Variants in IQSEC2 observed in about 807,000 individuals in gnomAD.
IQSEC2 encodes the protein IQ motif and Sec7 domain ArfGEF 2.
In IQSEC2, 6 loss-of-function variants were observed where a neutral mutation model predicts 74.6. That is an observed-to-expected ratio of 0.08 (90% confidence interval 0.04 to 0.16). The LOEUF is 0.16. IQSEC2 is among the 10% of genes least tolerant of loss of function. IQSEC2 has a pLI of 1.00. For synonymous variants in IQSEC2, 494 were observed against 544.5 expected (o/e 0.91, Z 1.29); for missense variants, 734 against 1,306.2 (o/e 0.56, Z 6.75).
chrX:53,243,410 C>T lies in IQSEC2; in HGVS notation c.2811G>A (p.Gln937=), dbSNP rs781835138. 2.6e-5 allele frequency: 30 copies of T among 1,168,238 alleles called. No individual in the cohort carries two copies. The highest frequency in any genetic ancestry group is 3.8e-5 in the South Asian group (2 of 52,384). ...DLLVGIYQRI[Q]GRELRTNDDH... is the part of the protein sequence containing the mutation. ...CATCGTTGGTCCGCAGTTCACGCCCCTGGATGCGCTGGTAGATGCCCACCA... is the reference window on the plus strand; with the variant it reads ...CATCGTTGGTCCGCAGTTCACGCCCTTGGATGCGCTGGTAGATGCCCACCA... The change falls in exon 9 of 15, where the codon CAG becomes CAA. Residue 937 remains glutamine (Q), a synonymous_variant. Coordinates refer to ENST00000642864, the MANE Select transcript of IQSEC2 (RefSeq NM_001111125.3).
Position 53,234,727 on chromosome X carries a change from C to T in IQSEC2, c.3959G>A (p.Arg1320His), listed in dbSNP as rs2074098874. ...PASAPPVGPH[R>H]HFHAHGPVPG... ...GACTGGGCCATGGGCGTGGAAGTGG[C>T]GATGTGGCCCCACAGGTGGGGCTGA... is the stretch of plus-strand genomic sequence containing the variant. The change falls in exon 15 of 15, where the codon CGC (arginine) becomes CAC (histidine). Residue 1320 changes from arginine (R) to histidine (H), a missense_variant. By Grantham distance (29) the Arg-to-His change is conservative (BLOSUM62 0). Coordinates refer to ENST00000642864, the MANE Select transcript of IQSEC2 (RefSeq NM_001111125.3). 5.3e-6 allele frequency: 6 copies of T among 1,122,911 alleles called. No homozygotes were observed. Among genetic ancestry groups the T allele is most frequent in the Non-Finnish European group, 7.0e-6 (6 of 851,688 alleles). The allele number at this position is 1,122,911 out of a possible 1,213,427, so 92.5% of individuals were successfully genotyped here.
rs1298002506 is a variant in IQSEC2 at position 53,321,226 on chromosome X, C to A, written c.-103G>T. On this transcript the variant is annotated 5_prime_UTR_variant, in exon 1 of 15. Coordinates refer to ENST00000642864, the MANE Select transcript of IQSEC2 (RefSeq NM_001111125.3). ...CAGCCGGGGGAGGGGGCCGGCGGGA[C>A]GCGAGGGCGCGCACCGGGCTTGAGG... The A allele has an allele frequency of 2.6e-5, 12 of 455,994 alleles. No individual in the cohort carries two copies. Among genetic ancestry groups the A allele is most frequent in the Non-Finnish European group, 4.2e-5 (12 of 288,038 alleles). The allele number at this position is 455,994 out of a possible 1,213,427, so 37.6% of individuals were successfully genotyped here.
chrX:53,262,481 C>T (rs1359546648), intron 2 of IQSEC2, among the ~76,000 whole-genome samples: 5 of 111,751 alleles, frequency 4.5e-5, no homozygotes, highest in African/African-American at 9.8e-5. Flanking sequence ...GTGGGGGGAA[C>T]GGGACGGACT....
chrX:53,315,244 A>C (rs2075359663), intron 1 of IQSEC2, among the ~76,000 whole-genome samples: 1 of 111,692 alleles, frequency 9.0e-6, no homozygotes, highest in South Asian at 3.7e-4. Context: ...TACAAAAATT[A>C]GTCGGGGGTG....
At chrX:53,279,253 C>T in intron 2 of IQSEC2, 1 of 260,708 alleles carries the variant, frequency 3.8e-6, no homozygotes, top group Non-Finnish European at 6.9e-6. Flanking sequence ...TGCCCTTCCT[C>T]AGTCTATCCA....
At chrX:53,290,121 G>A (rs1381321777) in intron 2 of IQSEC2, among the ~76,000 whole-genome samples, 2 of 111,306 alleles carry the variant, frequency 1.8e-5, no homozygotes, top group Non-Finnish European at 3.8e-5. Context: ...TCCTGGCTCA[G>A]GATCCATATA....
chrX:53,288,656 A>G (rs1556872327), intron 2 of IQSEC2, among the ~76,000 whole-genome samples: 1 of 112,184 alleles, frequency 8.9e-6, no homozygotes, highest in Admixed American at 9.4e-5. Flanking sequence ...AAAGCAGAGG[A>G]CACTACAGTT....
Position 53,255,795 on chromosome X carries a change from T to G in IQSEC2, c.999+5A>C. ...CCCATTCCCAACCAGATGCCTCTGT[T>G]GCACCTTCTTGTCCTGCAGGTCTGT... On this transcript the variant is annotated splice_donor_5th_base_variant and intron_variant, in intron 3 of 14. Transcript: ENST00000642864. 6.6e-6 allele frequency: 8 copies of G among 1,211,742 alleles called. No homozygotes were observed. The highest frequency in any genetic ancestry group is 8.9e-6 in the Non-Finnish European group (8 of 895,439).
chrX:53,233,044 T>C lies in IQSEC2; in HGVS notation c.*1175A>G, dbSNP rs1360138306. ...CCTTCGTACAGCCAGGGTCCATCTG[T>C]CTGTCTATACTGCAGCCCATGGTGG... On this transcript the variant is annotated 3_prime_UTR_variant, in exon 15 of 15. Coordinates refer to ENST00000642864, the MANE Select transcript of IQSEC2 (RefSeq NM_001111125.3). 1.8e-5 allele frequency: 2 copies of C among 110,800 alleles called. No homozygotes were observed. The highest frequency in any genetic ancestry group is 3.8e-5 in the Non-Finnish European group (2 of 52,664). 9.1% of individuals were successfully genotyped at this position (110,800 alleles called of 1,213,427 possible). A position where few individuals can be genotyped will look rare whatever the true frequency, so the allele number is the denominator to read the frequency against.
At chrX:53,262,645 A>G (rs782665224) in intron 2 of IQSEC2, among the ~76,000 whole-genome samples, 5 of 111,900 alleles carry the variant, frequency 4.5e-5, no homozygotes, top group Admixed American at 9.4e-5. Context: ...TCTCCCTCCA[A>G]TATTTCTTCT....
downstream of IQSEC2, chrX:53,231,472 G>T (rs190295885): frequency 5.5e-5 from 6 of 108,132 alleles, no homozygotes; most frequent in African/African-American, 2.2e-4. Flanking sequence ...TCAAGATAAG[G>T]GGTTTCTGTA....
At chrX:53,307,796 G>A (rs1005313603) in intron 1 of IQSEC2, among the ~76,000 whole-genome samples, 2 of 106,484 alleles carry the variant, frequency 1.9e-5, no homozygotes, top group Admixed American at 1.0e-4. Context: ...CCAGCTATTC[G>A]GGAGGCTGAG....
chrX:53,312,939 C>A (rs1380519235), intron 1 of IQSEC2, among the ~76,000 whole-genome samples: 2 of 112,473 alleles, frequency 1.8e-5, no homozygotes, highest in Non-Finnish European at 3.8e-5. Flanking sequence ...ATAAAAATCA[C>A]ATCGCTCCAA....
intron 1 of IQSEC2, among the ~76,000 whole-genome samples, chrX:53,316,747 C>G (rs1256821366): frequency 1.8e-5 from 2 of 108,339 alleles, no homozygotes; most frequent in Admixed American, 2.0e-4. Flanking sequence ...AACTCCTGAA[C>G]TCACTTGAGT....
intron 8 of IQSEC2, among the ~76,000 whole-genome samples, chrX:53,243,801 G>A (rs1384330804): frequency 8.9e-6 from 1 of 112,627 alleles, no homozygotes; most frequent in African/African-American, 3.2e-5. Flanking sequence ...AAGTGGGCAT[G>A]TATGGTAACA....
rs12851791 is a variant in IQSEC2 at position 53,233,121 on chromosome X, G to A, written c.*1098C>T. On this transcript the variant is annotated 3_prime_UTR_variant, in exon 15 of 15. Transcript: ENST00000642864. ...GTGAGGAGCTGGATATGCGGGGCAA[G>A]AAGAGGAGCTGGGGCTTGTAAAAAA... The A allele has an allele frequency of 0.066, 7,341 of 111,559 alleles. 239 individuals carry two copies. The highest frequency in any genetic ancestry group is 0.21 in the Middle Eastern group (44 of 211). The allele number at this position is 111,559 out of a possible 1,213,427, so 9.2% of individuals were successfully genotyped here.
chrX:53,298,857 TCTCA>T (rs1338608381), intron 1 of IQSEC2, among the ~76,000 whole-genome samples: 1 of 111,428 alleles, frequency 9.0e-6, no homozygotes, highest in Non-Finnish European at 1.9e-5. Flanking sequence ...TTATTTTAGC[TCTCA>T]CTATTTTTAA....
rs2074080239 is a variant in IQSEC2 at position 53,233,565 on chromosome X, G to A, written c.*654C>T. 1 of 179,586 alleles carries A rather than the reference G, an allele frequency of 5.6e-6. No individual in the cohort carries two copies. Among genetic ancestry groups the A allele is most frequent in the Non-Finnish European group, 1.0e-5 (1 of 95,838 alleles). The allele number at this position is 179,586 out of a possible 1,213,427, so 14.8% of individuals were successfully genotyped here. A position where few individuals can be genotyped will look rare whatever the true frequency, so the allele number is the denominator to read the frequency against. On this transcript the variant is annotated 3_prime_UTR_variant, in exon 15 of 15. Coordinates refer to ENST00000642864, the MANE Select transcript of IQSEC2 (RefSeq NM_001111125.3). ...CTGAAGCCGAAGAGGTCTGGGCTGGGGCCTACTGGAGAAAGGGCATAGACT... is the reference window on the plus strand; with the variant it reads ...CTGAAGCCGAAGAGGTCTGGGCTGGAGCCTACTGGAGAAAGGGCATAGACT...
At chrX:53,310,412 C>CA (rs1277522007) in intron 1 of IQSEC2, among the ~76,000 whole-genome samples, 37 of 108,848 alleles carry the variant, frequency 3.4e-4, no homozygotes, top group South Asian at 2.0e-3. Context: ...AACAAACAAA[C>CA]AAAAAACTTG....
Sources: allele counts gnomAD v4.1 joint callset (sites outside exome capture counted in the v4.1 genomes callset), GRCh38; gene constraint gnomAD v4.1.1; transcripts MANE v1.5; gene names NCBI Gene and HGNC (gene_info 2026-07-23, HGNC 2026-07-21).